SYNPR: variants seen among roughly 807,000 people sequenced by gnomAD.
The protein encoded by SYNPR is synaptoporin.
In SYNPR, 23 loss-of-function variants were observed where a neutral mutation model predicts 32.9. That is an observed-to-expected ratio of 0.70 (90% CI 0.50 to 0.99). The LOEUF (loss-of-function observed/expected upper bound fraction) is 0.99, where lower values mean the gene tolerates loss of function less well. Among genes scored for constraint, SYNPR ranks in the 50% least tolerant of loss-of-function variants. SYNPR has a pLI of 0.00. For missense variants in SYNPR, 318 were observed against 349.3 expected (o/e 0.91, Z 0.71); for synonymous variants, 146 against 135.9 (o/e 1.07, Z -0.52).
At position 63,472,089 on chromosome 3, in the gene SYNPR, G is replaced by A. The variant is rs114171921; in HGVS notation, c.85-8743G>A. Among the ~76,000 whole-genome samples the A allele has an allele frequency of 2.2e-3, 334 of 152,314 alleles. 3 individuals carry two copies. The highest frequency in any genetic ancestry group is 3.8e-3 in the Non-Finnish European group (256 of 68,038). On this transcript the variant is annotated intron_variant, in intron 2 of 5. Transcript: ENST00000478300. Reference sequence around the variant, plus strand: ...AGCTACCACCTGCAGCAATGGGGACGATCAGGGCTTTGTCTTACAGATGCT... The same window carrying A: ...AGCTACCACCTGCAGCAATGGGGACAATCAGGGCTTTGTCTTACAGATGCT...
At chr3:63,267,895 T>C (rs1560173708) in intron 3 of SYNPR, among the ~76,000 whole-genome samples, 1 of 152,148 alleles carries the variant, frequency 6.6e-6, no homozygotes, top group African/African-American at 2.4e-5. Flanking sequence ...CCCTGCTAAA[T>C]AAATTTTGAA....
chr3:63,348,386 GT>G (rs755535057), intron 2 of SYNPR, among the ~76,000 whole-genome samples: 2 of 151,502 alleles, frequency 1.3e-5, no homozygotes, highest in South Asian at 2.1e-4. Flanking sequence ...ATTTGTTGTT[GT>G]TTTTTTTGAG....
At chr3:63,457,782 TTG>T (rs1211212490) in intron 2 of SYNPR, among the ~76,000 whole-genome samples, 8 of 152,208 alleles carry the variant, frequency 5.3e-5, no homozygotes, top group African/African-American at 1.9e-4. Context: ...TTAGCGAACT[TTG>T]GTCCAGGAAG....
At chr3:63,444,777 G>C (rs958651177) in intron 2 of SYNPR, among the ~76,000 whole-genome samples, 2 of 151,924 alleles carry the variant, frequency 1.3e-5, no homozygotes, top group Non-Finnish European at 2.9e-5. Flanking sequence ...TACTCATTTT[G>C]ACAAACAGAC....
At chr3:63,587,150 G>C (rs1703199522) in intron 4 of SYNPR, among the ~76,000 whole-genome samples, 1 of 151,964 alleles carries the variant, frequency 6.6e-6, no homozygotes, top group African/African-American at 2.4e-5. Context: ...AGTTATTTCA[G>C]TTGAATTCAT....
At chr3:63,265,241 C>CTTTT (rs71126590) in intron 2 of SYNPR, among the ~76,000 whole-genome samples, 2 of 102,214 alleles carry the variant, frequency 2.0e-5, no homozygotes, top group Admixed American at 1.1e-4. Context: ...TAATGACATT[C>CTTTT]TTTTTTTTTT....
At chr3:63,342,072 T>A (rs2107003105) in intron 2 of SYNPR, among the ~76,000 whole-genome samples, 2 of 152,360 alleles carry the variant, frequency 1.3e-5, no homozygotes, top group South Asian at 4.1e-4. Context: ...TTTTAAAATA[T>A]TGCATATAAA....
At chr3:63,401,315 T>C (rs2088287129) in intron 2 of SYNPR, among the ~76,000 whole-genome samples, 1 of 152,190 alleles carries the variant, frequency 6.6e-6, no homozygotes, top group African/African-American at 2.4e-5. Context: ...ACGAATCAAA[T>C]AAATGCTTGA....
At chr3:63,286,435 TACTA>T (rs1166487248) in intron 2 of SYNPR, among the ~76,000 whole-genome samples, 1 of 152,194 alleles carries the variant, frequency 6.6e-6, no homozygotes, top group Non-Finnish European at 1.5e-5. Context: ...TACAGGCACT[TACTA>T]ACCACATTGT....
the SYNPR span, among the ~76,000 whole-genome samples, chr3:63,203,997 T>G: frequency 6.6e-6 from 1 of 151,872 alleles, no homozygotes; most frequent in African/African-American, 2.4e-5. Flanking sequence ...CAAAACTCCA[T>G]CTCAAAAACA....
At chr3:63,463,847 C>T (rs1348220873) in intron 2 of SYNPR, among the ~76,000 whole-genome samples, 1 of 152,162 alleles carries the variant, frequency 6.6e-6, no homozygotes, top group African/African-American at 2.4e-5. Context: ...CCAAGATAAT[C>T]TCACACCTTG....
chr3:63,449,229 T>C (rs1700336128), intron 2 of SYNPR, among the ~76,000 whole-genome samples: 1 of 152,208 alleles, frequency 6.6e-6, no homozygotes, highest in African/African-American at 2.4e-5. Flanking sequence ...TTGTATTATC[T>C]GGTTTTTTGT....
intron 2 of SYNPR, among the ~76,000 whole-genome samples, chr3:63,285,035 T>C (rs762616292): frequency 6.6e-6 from 1 of 152,210 alleles, no homozygotes; most frequent in African/African-American, 2.4e-5. Flanking sequence ...GCTACACTCC[T>C]GCTTTTTCCA....
intron 3 of SYNPR, among the ~76,000 whole-genome samples, chr3:63,541,376 T>G (rs1452320875): frequency 6.6e-6 from 1 of 152,010 alleles, no homozygotes; most frequent in African/African-American, 2.4e-5. Flanking sequence ...TTAACATGGC[T>G]TCTTATAAGA....
At chr3:63,535,531 T>C (rs1298519240) in intron 3 of SYNPR, among the ~76,000 whole-genome samples, 3 of 152,088 alleles carry the variant, frequency 2.0e-5, no homozygotes, top group African/African-American at 7.2e-5. Context: ...TTCTCTAACA[T>C]TAAATAAAAT....
At chr3:63,278,640 C>T (rs13317513) in intron 1 of SYNPR, 37 bp from the exon 2 acceptor site, 88,810 of 1,550,942 alleles carry the variant, frequency 0.057, 2,756 homozygotes, top group Middle Eastern at 0.11. Flanking sequence ...CCCTTCCTCA[C>T]GCTTTGCTTT....
upstream of SYNPR, among the ~76,000 whole-genome samples, chr3:63,225,382 G>A (rs2086120770): frequency 3.3e-5 from 5 of 152,118 alleles, no homozygotes; most frequent in South Asian, 8.3e-4. Context: ...ACCAACAGTG[G>A]AGAGATTCTC....
At chr3:63,221,940 A>G in the SYNPR span, among the ~76,000 whole-genome samples, 1 of 150,170 alleles carries the variant, frequency 6.7e-6, no homozygotes, top group Non-Finnish European at 1.5e-5. Context: ...GTGGCTGATG[A>G]TAGTAGTTGT....
chr3:63,449,026 G>C (rs1575649799), intron 2 of SYNPR, among the ~76,000 whole-genome samples: 2 of 152,118 alleles, frequency 1.3e-5, no homozygotes, highest in South Asian at 4.1e-4. Context: ...TAGTGTGTGT[G>C]TCTTATAAGC....
Sources: allele counts gnomAD v4.1 joint callset (sites outside exome capture counted in the v4.1 genomes callset), GRCh38; gene constraint gnomAD v4.1.1; transcripts MANE v1.5; gene names NCBI Gene and HGNC (gene_info 2026-07-23, HGNC 2026-07-21).